CYB5R4: variants seen among roughly 807,000 people sequenced by gnomAD.
The protein encoded by CYB5R4 is N-terminal cytochrome b5 and cytochrome b5 oxidoreductase domain-containing protein.
Under a neutral mutation model 70.2 loss-of-function variants are expected in CYB5R4, and 55 were observed. That is an observed-to-expected ratio of 0.78 (90% CI 0.63 to 0.98). The LOEUF is 0.98. Ranked by LOEUF, CYB5R4 falls within the 50% of genes least tolerant of loss-of-function variation. The probability of loss-of-function intolerance (pLI) is 0.00; values close to 1 mark genes in which losing one functional copy is unlikely to be tolerated. For synonymous variants in CYB5R4, 197 were observed against 199.5 expected, an observed-to-expected ratio of 0.99 and a Z score of 0.11; for missense variants, 562 against 612.6, an observed-to-expected ratio of 0.92 and a Z score of 0.87.
intron 2 of CYB5R4, among the ~76,000 whole-genome samples, chr6:83,889,094 G>A (rs2099460709): frequency 6.6e-6 from 1 of 152,186 alleles, no homozygotes; most frequent in Non-Finnish European, 1.5e-5. Flanking sequence ...AGCAAAGGTT[G>A]GTTCATGAGG....
intron 2 of CYB5R4, among the ~76,000 whole-genome samples, chr6:83,877,117 A>T (rs1371493085): frequency 2.6e-5 from 4 of 152,216 alleles, no homozygotes; most frequent in African/African-American, 7.2e-5. Flanking sequence ...GGCATGAGCA[A>T]CCGCACCCAG....
At chr6:83,933,423 A>T (rs2099468447) in intron 10 of CYB5R4, among the ~76,000 whole-genome samples, 1 of 152,176 alleles carries the variant, frequency 6.6e-6, no homozygotes, top group African/African-American at 2.4e-5. Context: ...TTATAGGTGA[A>T]TTTCAGTTTT....
chr6:83,925,388 C>T (rs748656345), intron 10 of CYB5R4, among the ~76,000 whole-genome samples: 14 of 152,246 alleles, frequency 9.2e-5, no homozygotes, highest in Non-Finnish European at 1.3e-4. Flanking sequence ...CTGGGGATTA[C>T]AATTCAACCT....
chr6:83,940,023 T>C, intron 12 of CYB5R4, 33 bp from the exon 13 acceptor site: 1 of 1,473,110 alleles, frequency 6.8e-7, no homozygotes, highest in Non-Finnish European at 9.1e-7. Flanking sequence ...TTGTTTTTTT[T>C]TTTTCTGATT....
intron 3 of CYB5R4, among the ~76,000 whole-genome samples, chr6:83,898,533 G>C (rs936789048): frequency 4.6e-5 from 7 of 152,282 alleles, no homozygotes; most frequent in African/African-American, 1.7e-4. Flanking sequence ...GGATGGCATT[G>C]AATCTATAAA....
Position 83,859,738 on chromosome 6 carries a change from G to A in CYB5R4, c.-45G>A. On this transcript the variant is annotated 5_prime_UTR_variant, in exon 1 of 16. Transcript: ENST00000369681. ...GAGCCGGAGCTGGAGGTGCTGTCCC[G>A]TCTGGCGGCGATCCCCGGGCAGGGC... 6.2e-7 allele frequency: 1 copy of A among 1,602,538 alleles called. No individual in the cohort carries two copies. Among genetic ancestry groups the A allele is most frequent in the East Asian group, 2.2e-5 (1 of 44,678 alleles).
At chr6:83,895,525 A>C (rs988223801) in intron 3 of CYB5R4, among the ~76,000 whole-genome samples, 31 of 152,156 alleles carry the variant, frequency 2.0e-4, no homozygotes, top group African/African-American at 7.0e-4. Context: ...TTTGCCTAAA[A>C]ACTTACCTGC....
chr6:83,884,259 T>C (rs2099459919), intron 2 of CYB5R4, among the ~76,000 whole-genome samples: 1 of 151,898 alleles, frequency 6.6e-6, no homozygotes, highest in African/African-American at 2.4e-5. Flanking sequence ...TGTAGATGTA[T>C]GTATTATCAA....
rs1363699427 is a variant in CYB5R4, at chr6:83,962,885, A to G, written c.*3007A>G. ...TCTTCAGCATTAGTGGATGAATCTC[A>G]TGCTTTCAGTCTCTCTGAATTCCCT... On this transcript the variant is annotated 3_prime_UTR_variant, in exon 16 of 16. Coordinates refer to ENST00000369681, the MANE Select transcript of CYB5R4 (RefSeq NM_016230.4). 1 of 152,212 alleles carries G rather than the reference A, an allele frequency of 6.6e-6. No individual in the cohort carries two copies. Among genetic ancestry groups the G allele is most frequent in the East Asian group, 1.9e-4 (1 of 5,198 alleles). The allele number at this position is 152,212 out of a possible 1,614,324, so 9.4% of individuals were successfully genotyped here. A position where few individuals can be genotyped will look rare whatever the true frequency, so the allele number is the denominator to read the frequency against.
chr6:83,940,452 C>G, intron 13 of CYB5R4, 63 bp from the exon 14 acceptor site: 1 of 1,427,052 alleles, frequency 7.0e-7, no homozygotes, highest in South Asian at 1.4e-5. Context: ...TTTAGACTTT[C>G]CATTTGTGCA....
At chr6:83,915,191 A>AT (rs1204047575) in intron 5 of CYB5R4, among the ~76,000 whole-genome samples, 1 of 152,102 alleles carries the variant, frequency 6.6e-6, no homozygotes, top group Non-Finnish European at 1.5e-5. Flanking sequence ...CCCGCAAAAA[A>AT]GTTTGGCATG....
intron 2 of CYB5R4, among the ~76,000 whole-genome samples, chr6:83,868,991 T>C (rs533933023): frequency 6.6e-6 from 1 of 152,364 alleles, no homozygotes; most frequent in African/African-American, 2.4e-5. Context: ...GTGTCCCTGT[T>C]GCTAAAAATT....
intron 10 of CYB5R4, among the ~76,000 whole-genome samples, chr6:83,928,096 T>G (rs2099467613): frequency 6.6e-6 from 1 of 152,144 alleles, no homozygotes. Flanking sequence ...TAGTGTCTTT[T>G]TACAAGGATT....
intron 14 of CYB5R4, among the ~76,000 whole-genome samples, chr6:83,954,397 G>A (rs2099472002): frequency 6.6e-6 from 1 of 152,050 alleles, no homozygotes; most frequent in South Asian, 2.1e-4. Context: ...TATTATTATT[G>A]TTTATTTTGG....
chr6:83,876,463 A>G (rs1372337908), intron 2 of CYB5R4, among the ~76,000 whole-genome samples: 2 of 146,104 alleles, frequency 1.4e-5, no homozygotes, highest in East Asian at 2.0e-4. Context: ...TAATGAAACC[A>G]TTTTTTCTCC....
chr6:83,899,099 G>A (rs1053357326), intron 3 of CYB5R4, among the ~76,000 whole-genome samples: 4 of 152,144 alleles, frequency 2.6e-5, no homozygotes, highest in African/African-American at 7.2e-5. Flanking sequence ...TTGGCTGTGG[G>A]TTTGTCATAG....
intron 2 of CYB5R4, among the ~76,000 whole-genome samples, chr6:83,876,836 C>A (rs1231223657): frequency 1.3e-5 from 2 of 151,880 alleles, no homozygotes; most frequent in Non-Finnish European, 2.9e-5. Context: ...GAAGAACTTC[C>A]TTTAACTTTT....
intron 10 of CYB5R4, among the ~76,000 whole-genome samples, chr6:83,930,368 T>G (rs1397303915): frequency 6.6e-6 from 1 of 152,252 alleles, no homozygotes; most frequent in East Asian, 1.9e-4. Flanking sequence ...ACTCTGTTGC[T>G]GTTTTATCAA....
chr6:83,932,049 T>C (rs1273563586), intron 10 of CYB5R4, among the ~76,000 whole-genome samples: 3 of 149,502 alleles, frequency 2.0e-5, no homozygotes, highest in Non-Finnish European at 4.4e-5. Context: ...GAACATGCGG[T>C]GTTTAGTTTT....
Sources: allele counts gnomAD v4.1 joint callset (sites outside exome capture counted in the v4.1 genomes callset), GRCh38; gene constraint gnomAD v4.1.1; transcripts MANE v1.5; gene names NCBI Gene and HGNC (gene_info 2026-07-23, HGNC 2026-07-21).